The following CDON variants were observed in gnomAD, a reference collection of about 807,000 sequenced individuals.
CDON encodes the protein cell adhesion molecule-related/down-regulated by oncogenes.
A neutral mutation model predicts 120.9 loss-of-function variants in CDON; 73 were observed. The observed-to-expected ratio is 0.60, with a 90% CI of 0.50 to 0.73. CDON has a LOEUF of 0.73. Among genes scored for constraint, CDON ranks in the 30% least tolerant of loss-of-function variants. The probability of loss-of-function intolerance (pLI) is 0.00; values close to 1 mark genes in which losing one functional copy is unlikely to be tolerated. For missense variants in CDON, 1,470 were observed against 1,587.3 expected (o/e 0.93, Z 1.26); for synonymous variants, 566 against 573.5 (o/e 0.99, Z 0.19).
intron 6 of CDON, among the ~76,000 whole-genome samples, chr11:126,016,615 T>C (rs1158627697): frequency 1.3e-5 from 2 of 152,024 alleles, no homozygotes; most frequent in Admixed American, 1.3e-4. Context: ...GTATTTTTGG[T>C]AGAGATGGGG....
At chr11:125,994,174 T>C (rs1016931013) in intron 14 of CDON, 110 bp downstream of exon 14, 22 of 724,936 alleles carry the variant, frequency 3.0e-5, no homozygotes, top group Non-Finnish European at 4.5e-5. Flanking sequence ...CAATAACACA[T>C]ACACCATTCC....
At chr11:126,053,326 C>A (rs1276922970) in intron 1 of CDON, among the ~76,000 whole-genome samples, 1 of 152,148 alleles carries the variant, frequency 6.6e-6, no homozygotes, top group Non-Finnish European at 1.5e-5. Flanking sequence ...TATAAAAATA[C>A]CTCCTCCAGA....
intron 11 of CDON, among the ~76,000 whole-genome samples, chr11:125,998,547 G>A (rs1423148050): frequency 6.6e-6 from 1 of 151,962 alleles, no homozygotes; most frequent in East Asian, 1.9e-4. Context: ...TGCCTGCATA[G>A]CCTTTAGAAC....
chr11:125,990,584 C>T (rs1946607493), intron 14 of CDON, among the ~76,000 whole-genome samples: 1 of 152,180 alleles, frequency 6.6e-6, no homozygotes, highest in Non-Finnish European at 1.5e-5. Context: ...GGAAACATCT[C>T]TTCAGACTGT....
At chr11:125,961,269 A>T (rs1945636201) in intron 19 of CDON, among the ~76,000 whole-genome samples, 164 bp from the exon 20 acceptor site, 1 of 152,234 alleles carries the variant, frequency 6.6e-6, no homozygotes, top group South Asian at 2.1e-4. Flanking sequence ...GAAGGTTTAA[A>T]AGGTTTAAAA....
rs376422602 is a variant in CDON at position 126,024,443 on chromosome 11, C to T, written c.-61-906G>A. Among the ~76,000 whole-genome samples the T allele has an allele frequency of 1.4e-4, 21 of 152,202 alleles. No individual in the cohort carries two copies. In the East Asian group the frequency reaches 3.1e-3, roughly 22 times the overall value. On this transcript the variant is annotated intron_variant, in intron 1 of 19. Coordinates refer to ENST00000531738, the MANE Select transcript of CDON (RefSeq NM_001378964.1). ...TGGATTCAGAATATATTATAACGGT[C>T]GACCCAACAGGACATGTCAAAGGCT...
intron 18 of CDON, among the ~76,000 whole-genome samples, chr11:125,976,865 C>T (rs560717202): frequency 5.8e-4 from 89 of 152,310 alleles, no homozygotes; most frequent in African/African-American, 1.5e-3. Context: ...AGAAACATTA[C>T]GTTACTTTCG....
intron 1 of CDON, among the ~76,000 whole-genome samples, chr11:126,055,003 A>G (rs913072269): frequency 1.2e-4 from 18 of 152,194 alleles, no homozygotes; most frequent in Non-Finnish European, 2.2e-4. Flanking sequence ...TGTACATCCA[A>G]TTAAAGACCT....
rs548495644 is a variant in CDON at position 125,999,991 on chromosome 11, A to G, written c.2158+1728T>C. On this transcript the variant is annotated intron_variant, in intron 11 of 19. Coordinates refer to ENST00000531738, the MANE Select transcript of CDON (RefSeq NM_001378964.1). ...CTCTTTTGCTGTTTCATCTGTCTGTATCGTCGTTCTCCTTTGAAGTTTAGC... is the reference window on the plus strand; with the variant it reads ...CTCTTTTGCTGTTTCATCTGTCTGTGTCGTCGTTCTCCTTTGAAGTTTAGC... Among the ~76,000 whole-genome samples, 55 of 152,294 alleles carry G rather than the reference A, an allele frequency of 3.6e-4. 1 individual carries two copies. Among genetic ancestry groups the G allele is most frequent in the African/African-American group, 1.3e-3 (54 of 41,564 alleles).
At chr11:125,991,614 A>G (rs1278268697) in intron 14 of CDON, among the ~76,000 whole-genome samples, 1 of 152,146 alleles carries the variant, frequency 6.6e-6, no homozygotes, top group Admixed American at 6.5e-5. Context: ...TTTTATTTTC[A>G]AAAGTTTAAA....
At chr11:126,025,588 TAA>T (rs982811624) in intron 1 of CDON, among the ~76,000 whole-genome samples, 4 of 151,988 alleles carry the variant, frequency 2.6e-5, no homozygotes, top group African/African-American at 7.3e-5. Flanking sequence ...TTGGTAAAAC[TAA>T]AAAAGTTTCA....
intron 18 of CDON, among the ~76,000 whole-genome samples, chr11:125,972,073 G>A (rs578182819): frequency 6.6e-6 from 1 of 152,308 alleles, no homozygotes; most frequent in East Asian, 1.9e-4. Flanking sequence ...TCTCTGCAAA[G>A]CTGCCTTAAA....
chr11:125,994,540 A>AAAT (rs1487587683), intron 13 of CDON, 151 bp from the exon 14 acceptor site: 5 of 660,218 alleles, frequency 7.6e-6, no homozygotes, highest in Non-Finnish European at 1.3e-5. Flanking sequence ...CAAAGGTATT[A>AAAT]AAAGCATTTA....
chr11:126,061,686 T>G (rs768201330), intron 1 of CDON, among the ~76,000 whole-genome samples: 16 of 152,222 alleles, frequency 1.1e-4, no homozygotes, highest in Non-Finnish European at 1.8e-4. Context: ...TCATGTGAGC[T>G]TTTAGTCCAA....
chr11:125,967,878 C>T (rs1945849004), intron 18 of CDON, among the ~76,000 whole-genome samples: 1 of 152,060 alleles, frequency 6.6e-6, no homozygotes, highest in African/African-American at 2.4e-5. Flanking sequence ...GCTACCATTC[C>T]TGAAAAATTT....
At chr11:125,995,823 G>C (rs536042450) in intron 12 of CDON, among the ~76,000 whole-genome samples, 10 of 152,270 alleles carry the variant, frequency 6.6e-5, no homozygotes, top group Admixed American at 5.9e-4. Context: ...CCTATGCTGC[G>C]CATGTTGCTT....
chr11:126,010,486 G>A lies in CDON; in HGVS notation c.1407C>T (p.Asn469=). The A allele has an allele frequency of 6.2e-7, 1 of 1,614,072 alleles. No homozygotes were observed. The highest frequency in any genetic ancestry group is 8.5e-7 in the Non-Finnish European group (1 of 1,179,980). ...KSQLSRPEGL[N]LEPVYFVLSQ... ...ACAGGACGAAGTACACAGGCTCCAGGTTCAAGCCCTCAGGTCTTGATAACT... is the reference window on the plus strand; with the variant it reads ...ACAGGACGAAGTACACAGGCTCCAGATTCAAGCCCTCAGGTCTTGATAACT... The change falls in exon 8 of 20, where the codon AAC becomes AAT. Residue 469 remains asparagine (N), a synonymous_variant. Coordinates refer to ENST00000531738, the MANE Select transcript of CDON (RefSeq NM_001378964.1).
intron 18 of CDON, among the ~76,000 whole-genome samples, chr11:125,970,008 G>T (rs1454156564): frequency 6.6e-6 from 1 of 152,094 alleles, no homozygotes; most frequent in Non-Finnish European, 1.5e-5. Context: ...ATTATGTACA[G>T]AATTACTCTG....
intron 18 of CDON, among the ~76,000 whole-genome samples, chr11:125,965,412 G>T (rs1945768406): frequency 6.6e-6 from 1 of 152,174 alleles, no homozygotes; most frequent in African/African-American, 2.4e-5. Context: ...TGCAGGAAAG[G>T]TCCGAGTGGC....
Sources: allele counts gnomAD v4.1 joint callset (sites outside exome capture counted in the v4.1 genomes callset), GRCh38; gene constraint gnomAD v4.1.1; transcripts MANE v1.5; gene names NCBI Gene and HGNC (gene_info 2026-07-23, HGNC 2026-07-21).